The following SHISA9 variants were observed in gnomAD, a reference collection of about 807,000 sequenced individuals.
SHISA9 encodes shisa family member 9.
In SHISA9, 13 loss-of-function variants were observed where a neutral mutation model predicts 38.0. The observed-to-expected ratio is 0.34, with a 90% CI of 0.22 to 0.54. The LOEUF (loss-of-function observed/expected upper bound fraction) is 0.54, where lower values mean the gene tolerates loss of function less well. SHISA9 is among the 20% of genes least tolerant of loss of function. SHISA9 has a pLI of 0.91. For synonymous variants in SHISA9, 275 were observed against 242.0 expected (o/e 1.14, Z -1.27); for missense variants, 538 against 575.8 (o/e 0.93, Z 0.67).
At chr16:13,377,277 C>T in the SHISA9 span, among the ~76,000 whole-genome samples, 2 of 152,186 alleles carry the variant, frequency 1.3e-5, no homozygotes, top group Non-Finnish European at 2.9e-5. Flanking sequence ...TGGGCTGATC[C>T]CTTTATGGAG....
chr16:13,129,768 C>T (rs2050291632), intron 2 of SHISA9, among the ~76,000 whole-genome samples: 3 of 152,188 alleles, frequency 2.0e-5, no homozygotes, highest in South Asian at 4.2e-4. Flanking sequence ...GGAAGTCTGA[C>T]CTCTAGACCT....
At chr16:13,126,161 G>A (rs1032003434) in intron 2 of SHISA9, among the ~76,000 whole-genome samples, 9 of 152,178 alleles carry the variant, frequency 5.9e-5, no homozygotes, top group African/African-American at 2.2e-4. Context: ...AGCCCCATGT[G>A]CATAGATCAG....
chr16:13,299,717 A>C, the SHISA9 span, among the ~76,000 whole-genome samples: 1 of 151,738 alleles, frequency 6.6e-6, no homozygotes, highest in African/African-American at 2.4e-5. Flanking sequence ...TGTCAAAAAA[A>C]AAAAAAACAA....
At chr16:13,508,263 C>T in the SHISA9 span, among the ~76,000 whole-genome samples, 78 of 152,326 alleles carry the variant, frequency 5.1e-4, no homozygotes, top group Non-Finnish European at 8.8e-4. Context: ...TTCCATGTGT[C>T]ATTAACTACT....
rs111844192 is a variant in SHISA9, at chr16:13,185,238, A to G, written c.692-18156A>G. Among the ~76,000 whole-genome samples the G allele has an allele frequency of 4.3e-3, 662 of 152,266 alleles. 7 individuals carry two copies. Among genetic ancestry groups the G allele is most frequent in the African/African-American group, 0.015 (634 of 41,546 alleles). ...GTTCTTAGAAACAGGGTCTTGCTCT[A>G]TCACCCAGGCTAGAGAGCAGTGGCA... is the stretch of plus-strand genomic sequence containing the variant. On this transcript the variant is annotated intron_variant, in intron 2 of 4. Coordinates refer to ENST00000558583, the MANE Select transcript of SHISA9 (RefSeq NM_001145204.3).
the SHISA9 span, among the ~76,000 whole-genome samples, chr16:13,561,409 T>A: frequency 6.6e-6 from 1 of 152,144 alleles, no homozygotes; most frequent in African/African-American, 2.4e-5. Flanking sequence ...TCCCATAACT[T>A]CATTCTCGTG....
chr16:13,262,670 A>AAGGG, the SHISA9 span, among the ~76,000 whole-genome samples: 79 of 70,722 alleles, frequency 1.1e-3, 4 homozygotes, highest in South Asian at 4.6e-3. Context: ...GGAAGGAAGG[A>AAGGG]AGGGAGGGAG....
intron 2 of SHISA9, among the ~76,000 whole-genome samples, chr16:13,071,589 C>T (rs1166810625): frequency 6.9e-6 from 1 of 145,878 alleles, no homozygotes. Context: ...CCCTTCCTTC[C>T]TTCCTTCCTT....
intron 2 of SHISA9, among the ~76,000 whole-genome samples, chr16:13,053,057 A>G (rs1029155602): frequency 1.0e-4 from 15 of 143,522 alleles, no homozygotes; most frequent in African/African-American, 4.0e-4. Flanking sequence ...TCCGCCTGCC[A>G]GGTTCAAGCA....
At chr16:13,258,915 C>T in the SHISA9 span, among the ~76,000 whole-genome samples, 1 of 152,170 alleles carries the variant, frequency 6.6e-6, no homozygotes, top group Non-Finnish European at 1.5e-5. Context: ...CATTCCACCC[C>T]TGGCCCCTCC....
the SHISA9 span, among the ~76,000 whole-genome samples, chr16:13,366,048 G>A: frequency 3.3e-5 from 5 of 152,132 alleles, no homozygotes; most frequent in African/African-American, 4.8e-5. Context: ...CTACTTAGTC[G>A]TTATCATCAC....
intron 2 of SHISA9, among the ~76,000 whole-genome samples, chr16:13,087,619 G>A (rs969553922): frequency 2.0e-5 from 3 of 152,174 alleles, no homozygotes; most frequent in African/African-American, 7.2e-5. Context: ...CTGCATAGAC[G>A]TCTTCTTTTG....
At chr16:13,383,486 C>G in the SHISA9 span, among the ~76,000 whole-genome samples, 1 of 152,084 alleles carries the variant, frequency 6.6e-6, no homozygotes, top group Admixed American at 6.5e-5. Context: ...CAAATGAGTG[C>G]TTATATGCGT....
intron 1 of SHISA9, among the ~76,000 whole-genome samples, chr16:12,906,639 GT>G (rs1284943433): frequency 6.6e-6 from 1 of 152,134 alleles, no homozygotes; most frequent in African/African-American, 2.4e-5. Context: ...CTACTTAGGT[GT>G]TTTTATTTTT....
At chr16:13,167,633 C>G (rs2142017996) in intron 2 of SHISA9, among the ~76,000 whole-genome samples, 1 of 152,260 alleles carries the variant, frequency 6.6e-6, no homozygotes, top group South Asian at 2.1e-4. Context: ...TGATAGTGTT[C>G]TCATGAGATC....
At chr16:13,134,620 G>A (rs938943160) in intron 2 of SHISA9, among the ~76,000 whole-genome samples, 4 of 152,162 alleles carry the variant, frequency 2.6e-5, no homozygotes, top group African/African-American at 9.7e-5. Flanking sequence ...AGTATGGTGG[G>A]AGACGAGGCT....
intron 2 of SHISA9, among the ~76,000 whole-genome samples, chr16:12,974,953 G>T (rs904261558): frequency 6.6e-6 from 1 of 151,834 alleles, no homozygotes; most frequent in Admixed American, 6.6e-5. Flanking sequence ...AACTTTCAGG[G>T]TTGCTATGGA....
chr16:13,123,669 G>A (rs1023413350), intron 2 of SHISA9, among the ~76,000 whole-genome samples: 8 of 152,216 alleles, frequency 5.3e-5, no homozygotes, highest in African/African-American at 1.9e-4. Context: ...TTGAGATAGT[G>A]AACTTATAAT....
intron 2 of SHISA9, among the ~76,000 whole-genome samples, chr16:13,113,367 G>T (rs184915622): frequency 5.4e-4 from 82 of 152,270 alleles, no homozygotes; most frequent in Non-Finnish European, 7.9e-4. Flanking sequence ...TTGGTAAGAG[G>T]GCTGTCTCAG....
Sources: gnomAD v4.1 joint callset for allele counts (sites outside exome capture counted in the v4.1 genomes callset) on GRCh38, gnomAD v4.1.1 for gene constraint, MANE v1.5 for transcripts, NCBI Gene and HGNC (gene_info 2026-07-23, HGNC 2026-07-21) for gene names.